Variants in RHAG observed in about 807,000 individuals in gnomAD.
RHAG encodes the protein ammonium transporter Rh type A.
Under a neutral mutation model 42.4 loss-of-function variants are expected in RHAG, and 25 were observed. That is an observed-to-expected ratio of 0.59 (90% CI 0.43 to 0.82). RHAG has a LOEUF of 0.82. Among genes scored for constraint, RHAG ranks in the 40% least tolerant of loss-of-function variants. The pLI is 0.00. For missense variants in RHAG, 483 were observed against 504.6 expected (o/e 0.96, Z 0.41); for synonymous variants, 182 against 177.7 (o/e 1.02, Z -0.19).
intron 1 of RHAG, 95 bp from the exon 2 acceptor site, chr6:49,619,457 T>G (rs1762716563): frequency 9.0e-7 from 1 of 1,107,502 alleles, no homozygotes; most frequent in African/African-American, 1.6e-5. Context: ...CTACCACCTT[T>G]GTATAACACA....
intron 7 of RHAG, among the ~76,000 whole-genome samples, chr6:49,609,897 A>G (rs947680903): frequency 1.3e-5 from 2 of 152,234 alleles, no homozygotes; most frequent in African/African-American, 4.8e-5. Context: ...CCATAAAAAA[A>G]AATGAGTTAA....
intron 1 of RHAG, among the ~76,000 whole-genome samples, chr6:49,625,322 C>A (rs1762828509): frequency 6.6e-6 from 1 of 152,180 alleles, no homozygotes; most frequent in African/African-American, 2.4e-5. Context: ...TCTGACTAAG[C>A]TCTTTCATTT....
intron 3 of RHAG, among the ~76,000 whole-genome samples, chr6:49,616,129 C>G (rs1022374246): frequency 3.9e-5 from 6 of 151,978 alleles, no homozygotes; most frequent in African/African-American, 1.5e-4. Context: ...GTGCTAGTTC[C>G]CTGGTGGGCA....
intron 1 of RHAG, among the ~76,000 whole-genome samples, chr6:49,620,761 C>A (rs1762743399): frequency 6.6e-6 from 1 of 152,094 alleles, no homozygotes; most frequent in African/African-American, 2.4e-5. Context: ...AAACTCCTGA[C>A]CTCAGGTGAT....
At position 49,615,740 on chromosome 6, in the gene RHAG, T is replaced by G; in HGVS notation, c.524A>C (p.His175Pro). The G allele has an allele frequency of 6.2e-7, 1 of 1,614,138 alleles. No individual in the cohort carries two copies. Among genetic ancestry groups the G allele is most frequent in the Non-Finnish European group, 8.5e-7 (1 of 1,180,032 alleles). ...ASDIGASMTI[H>P]AFGAYFGLAV... Reference sequence around the variant, plus strand: ...CAAGCCAAAGTAGGCCCCAAAGGCATGGATCGTCATTGATGCTCCAATGTC... The same window carrying G: ...CAAGCCAAAGTAGGCCCCAAAGGCAGGGATCGTCATTGATGCTCCAATGTC... Residue 175 changes from histidine (H) to proline (P), a missense_variant, in exon 4 of 10, where the codon CAT (histidine) becomes CCT (proline). Physicochemically the swap from His to Pro is moderately conservative, Grantham distance 77. Transcript: ENST00000371175.
chr6:49,629,529 G>A (rs1386017736), intron 1 of RHAG, among the ~76,000 whole-genome samples: 2 of 152,214 alleles, frequency 1.3e-5, no homozygotes, highest in African/African-American at 2.4e-5. Context: ...CTGCCTGCCA[G>A]TCCCGGTGTT....
At chr6:49,627,646 C>T (rs147304704) in intron 1 of RHAG, among the ~76,000 whole-genome samples, 18 of 152,248 alleles carry the variant, frequency 1.2e-4, no homozygotes, top group Non-Finnish European at 8.8e-5. Context: ...CCTGAGACTG[C>T]GTAATTCATA....
At chr6:49,633,079 C>T (rs1437224303) in intron 1 of RHAG, among the ~76,000 whole-genome samples, 1 of 152,122 alleles carries the variant, frequency 6.6e-6, no homozygotes, top group Non-Finnish European at 1.5e-5. Flanking sequence ...AACCTAATTC[C>T]CTTCTCTACT....
At chr6:49,616,690 A>C (rs1581941716) in intron 3 of RHAG, among the ~76,000 whole-genome samples, 1 of 152,200 alleles carries the variant, frequency 6.6e-6, no homozygotes, top group East Asian at 1.9e-4. Flanking sequence ...AAGATTTTCA[A>C]ATTTAAGTAA....
At chr6:49,629,793 GCTAAGT>G (rs1762906081) in intron 1 of RHAG, among the ~76,000 whole-genome samples, 1 of 152,226 alleles carries the variant, frequency 6.6e-6, no homozygotes, top group Non-Finnish European at 1.5e-5. Flanking sequence ...TGGCCCTGGT[GCTAAGT>G]CCCTCATTGC....
chr6:49,615,180 G>A, intron 4 of RHAG: 1 of 296,006 alleles, frequency 3.4e-6, no homozygotes, highest in Non-Finnish European at 6.5e-6. Context: ...TCGAACTCCT[G>A]ACCTCGTGAT....
intron 1 of RHAG, among the ~76,000 whole-genome samples, chr6:49,626,474 G>A (rs937424098): frequency 6.6e-6 from 1 of 152,154 alleles, no homozygotes; most frequent in Non-Finnish European, 1.5e-5. Flanking sequence ...CAAGAGGTGG[G>A]CTCCCATGGC....
At chr6:49,620,294 C>T (rs898638355) in intron 1 of RHAG, among the ~76,000 whole-genome samples, 5 of 152,026 alleles carry the variant, frequency 3.3e-5, no homozygotes, top group Admixed American at 6.6e-5. Context: ...GATTTGCATA[C>T]GGTAAAGTAT....
chr6:49,625,979 C>A (rs771152685), intron 1 of RHAG, among the ~76,000 whole-genome samples: 3 of 152,142 alleles, frequency 2.0e-5, no homozygotes, highest in Non-Finnish European at 4.4e-5. Context: ...ATGGGAACAG[C>A]GCAGGAAAGA....
chr6:49,635,256 G>T (rs1287717789), intron 1 of RHAG, among the ~76,000 whole-genome samples: 1 of 151,890 alleles, frequency 6.6e-6, no homozygotes, highest in African/African-American at 2.4e-5. Flanking sequence ...CAGCTTGAAT[G>T]ATACAATTAT....
In RHAG at chr6:49,615,623, C is replaced by T; in HGVS notation, c.640+1G>A. ...ATTCAAGCAAGTTTATCCACACTCA[C>T]CAATCATTGCAAACAAGTCTGAGTA... On this transcript the variant is annotated splice_donor_variant, in intron 4 of 9. Coordinates refer to ENST00000371175, the MANE Select transcript of RHAG (RefSeq NM_000324.3). LOFTEE classifies it high-confidence loss of function. 6.2e-7 allele frequency: 1 copy of T among 1,614,054 alleles called. No homozygotes were observed. The highest frequency in any genetic ancestry group is 8.5e-7 in the Non-Finnish European group (1 of 1,179,964).
At chr6:49,620,826 C>T (rs1053706034) in intron 1 of RHAG, among the ~76,000 whole-genome samples, 6 of 152,184 alleles carry the variant, frequency 3.9e-5, no homozygotes, top group South Asian at 2.1e-4. Flanking sequence ...CCACCATGCC[C>T]GGCCCCATAG....
At chr6:49,633,182 A>AT (rs1762958589) in intron 1 of RHAG, among the ~76,000 whole-genome samples, 2 of 152,194 alleles carry the variant, frequency 1.3e-5, no homozygotes. Flanking sequence ...AATTTCATTT[A>AT]TTTTTGAAAT....
chr6:49,612,409 G>C lies in RHAG; in HGVS notation c.933C>G (p.Tyr311Ter), dbSNP rs563253807. Reference sequence around the variant, plus strand: ...CTGCTGTACTTACAGTCAGGAACTTGTATCCAAGCACAGAGACCATTCCTG... The same window carrying C: ...CTGCTGTACTTACAGTCAGGAACTTCTATCCAAGCACAGAGACCATTCCTG... ...SIAGMVSVLGYKFLTPLFTTK... is the reference protein window; with the variant it reads ...SIAGMVSVLG Residue 311 changes from tyrosine to a stop codon, truncating the protein, a stop_gained, in exon 6 of 10, where the codon TAC (tyrosine) becomes TAG (stop). Coordinates refer to ENST00000371175, the MANE Select transcript of RHAG (RefSeq NM_000324.3). LOFTEE classifies it high-confidence loss of function. The C allele has an allele frequency of 6.2e-7, 1 of 1,614,160 alleles. No homozygotes were observed. Among genetic ancestry groups the C allele is most frequent in the Non-Finnish European group, 8.5e-7 (1 of 1,179,996 alleles).
Sources: gnomAD v4.1 joint callset for allele counts (sites outside exome capture counted in the v4.1 genomes callset) on GRCh38, gnomAD v4.1.1 for gene constraint, MANE v1.5 for transcripts, NCBI Gene and HGNC (gene_info 2026-07-23, HGNC 2026-07-21) for gene names.